Variants in FARP2 observed in about 807,000 individuals in gnomAD.
The protein encoded by FARP2 is FERM, ARH/RhoGEF and pleckstrin domain protein 2, also known as FERM, ARHGEF and pleckstrin domain-containing protein 2.
FARP2 carries 111 observed loss-of-function variants against 130.5 expected under a neutral mutation model. The ratio of observed to expected loss-of-function variants is 0.85; its 90% CI spans 0.73 to 1.00. The LOEUF (loss-of-function observed/expected upper bound fraction) is 1.00, where lower values mean the gene tolerates loss of function less well. Among genes scored for constraint, FARP2 ranks in the 50% least tolerant of loss-of-function variants. The pLI, the probability that FARP2 is intolerant of heterozygous loss-of-function variation, is 0.00. For missense variants in FARP2, 1,385 were observed against 1,346.3 expected (o/e 1.03, Z -0.45); for synonymous variants, 504 against 516.9 (o/e 0.98, Z 0.34).
intron 2 of FARP2, among the ~76,000 whole-genome samples, chr2:241,381,209 C>T (rs1435753395): frequency 1.3e-5 from 2 of 152,078 alleles, no homozygotes; most frequent in South Asian, 2.1e-4. Context: ...TAAGTAGTGC[C>T]GCTCCTGGCC....
At chr2:241,452,014 C>G (rs1042735968) in intron 13 of FARP2, among the ~76,000 whole-genome samples, 19 of 152,228 alleles carry the variant, frequency 1.2e-4, no homozygotes, top group African/African-American at 3.6e-4. Context: ...TTGAGCTTCC[C>G]AAAGTGCTGG....
At chr2:241,444,517 G>A (rs1402427555) in intron 13 of FARP2, 2 of 152,186 alleles carry the variant, frequency 1.3e-5, no homozygotes, top group Non-Finnish European at 2.9e-5. Flanking sequence ...TGGACAGCAG[G>A]TTAGGTTTGG....
At chr2:241,465,876 G>T in intron 17 of FARP2, 2 of 1,470,986 alleles carry the variant, frequency 1.4e-6, no homozygotes, top group Non-Finnish European at 1.8e-6. Context: ...GTTCTGTGTT[G>T]AGATAGCCCC....
chr2:241,490,021 G>A lies in FARP2; in HGVS notation c.2481G>A (p.Gln827=). The change falls in exon 22 of 27, where the codon CAG becomes CAA. Residue 827 remains glutamine (Q), a synonymous_variant. Transcript: ENST00000264042. ...VPHCFTIYAA[Q]KTIVVAASTR... is the part of the protein sequence containing the mutation. ...ACTGTTTCACCATCTACGCGGCTCA[G>A]AAAACAATCGTGGTGGCAGCCAGGT... The A allele has an allele frequency of 6.2e-7, 1 of 1,613,908 alleles. No homozygotes were observed. The highest frequency in any genetic ancestry group is 8.5e-7 in the Non-Finnish European group (1 of 1,179,790).
intron 2 of FARP2, among the ~76,000 whole-genome samples, chr2:241,402,033 AC>A (rs1401061303): frequency 1.3e-5 from 2 of 151,938 alleles, no homozygotes; most frequent in African/African-American, 4.8e-5. Flanking sequence ...CAGGTGATCC[AC>A]CCACCTCAGC....
At chr2:241,435,284 T>C (rs1466979176) in intron 11 of FARP2, among the ~76,000 whole-genome samples, 1 of 150,506 alleles carries the variant, frequency 6.6e-6, no homozygotes, top group Admixed American at 6.6e-5. Flanking sequence ...TTTTTTTTTT[T>C]CTGTAGAGAC....
chr2:241,415,050 G>T (rs2062628696), intron 7 of FARP2, among the ~76,000 whole-genome samples: 1 of 152,238 alleles, frequency 6.6e-6, no homozygotes, highest in South Asian at 2.1e-4. Context: ...ATCATGGCAT[G>T]CACTGTTTTA....
chr2:241,381,875 C>G (rs1002644400), intron 2 of FARP2, among the ~76,000 whole-genome samples: 6 of 152,206 alleles, frequency 3.9e-5, no homozygotes, highest in Non-Finnish European at 5.9e-5. Flanking sequence ...GTGAAGCCCC[C>G]CAAGTCCTTT....
rs1459063592 is a variant in FARP2, at chr2:241,493,338, A to C, written c.2941A>C (p.Ser981Arg). The C allele has an allele frequency of 1.2e-6, 2 of 1,613,906 alleles. No homozygotes were observed. Among genetic ancestry groups the C allele is most frequent in the Non-Finnish European group, 1.7e-6 (2 of 1,180,018 alleles). Residue 981 changes from serine to arginine, a missense_variant, in exon 26 of 27, where the codon AGC becomes CGC. By Grantham distance (110) the Ser-to-Arg change is moderately radical. Transcript: ENST00000264042. ...CCTCCCGCTGCTGGGCTACAGCGTG[A>C]GCATCCCCAGGGAGGCCGATGGCAT... Reference protein sequence around the residue: ...ASLPLLGYSVSIPREADGIHK... With the variant: ...ASLPLLGYSVRIPREADGIHK...
intron 12 of FARP2, among the ~76,000 whole-genome samples, chr2:241,440,932 C>T (rs1460279297): frequency 6.6e-6 from 1 of 152,158 alleles, no homozygotes; most frequent in Non-Finnish European, 1.5e-5. Flanking sequence ...GGGTGGATCA[C>T]TTGAGGCCAG....
chr2:241,474,110 TC>T (rs1188359074), intron 18 of FARP2, among the ~76,000 whole-genome samples: 1 of 150,566 alleles, frequency 6.6e-6, no homozygotes, highest in African/African-American at 2.4e-5. Flanking sequence ...ATCGAGACCA[TC>T]CTGGCTAACA....
chr2:241,365,601 T>A (rs146065013), intron 1 of FARP2, among the ~76,000 whole-genome samples: 91 of 152,280 alleles, frequency 6.0e-4, no homozygotes, highest in African/African-American at 2.1e-3. Flanking sequence ...ACCGTTTCCT[T>A]TTTTTGTTGC....
chr2:241,406,743 T>G (rs899170684), intron 4 of FARP2, among the ~76,000 whole-genome samples: 12 of 151,380 alleles, frequency 7.9e-5, no homozygotes, highest in African/African-American at 2.4e-4. Flanking sequence ...GGATTACAGA[T>G]GTGAGCCACT....
chr2:241,408,340 C>G (rs2062420939), intron 5 of FARP2, among the ~76,000 whole-genome samples: 1 of 151,664 alleles, frequency 6.6e-6, no homozygotes, highest in South Asian at 2.1e-4. Flanking sequence ...TCACTGCACT[C>G]TAGCCTGGGT....
At chr2:241,449,237 G>A (rs1283731054) in intron 13 of FARP2, among the ~76,000 whole-genome samples, 1 of 151,254 alleles carries the variant, frequency 6.6e-6, no homozygotes, top group Non-Finnish European at 1.5e-5. Context: ...GAGGCGGGAG[G>A]ATAGCTTGAG....
intron 3 of FARP2, 126 bp from the exon 4 acceptor site, chr2:241,404,673 G>T: frequency 3.1e-6 from 2 of 648,446 alleles, no homozygotes; most frequent in Non-Finnish European, 5.5e-6. Flanking sequence ...TTAAGAGGGG[G>T]GGTAGAGTCA....
chr2:241,458,873 C>T (rs2063937668), intron 14 of FARP2, among the ~76,000 whole-genome samples: 1 of 152,236 alleles, frequency 6.6e-6, no homozygotes, highest in Non-Finnish European at 1.5e-5. Context: ...ATGGGGCCAG[C>T]AGCATGGCAA....
intron 8 of FARP2, among the ~76,000 whole-genome samples, chr2:241,419,204 G>A (rs3771567): frequency 0.19 from 28,709 of 152,048 alleles, 2,964 homozygotes; most frequent in East Asian, 0.4. Flanking sequence ...TGAATTTAGA[G>A]TATTATGTTA....
chr2:241,385,956 C>G (rs1181343398), intron 2 of FARP2, among the ~76,000 whole-genome samples: 1 of 152,068 alleles, frequency 6.6e-6, no homozygotes, highest in South Asian at 2.1e-4. Context: ...CTCTCTTTAC[C>G]TCCTGTAATT....
Sources: allele counts gnomAD v4.1 joint callset (sites outside exome capture counted in the v4.1 genomes callset), GRCh38; gene constraint gnomAD v4.1.1; transcripts MANE v1.5; gene names NCBI Gene and HGNC (gene_info 2026-07-23, HGNC 2026-07-21).